The following AP1G2 variants were observed in gnomAD, a reference collection of about 807,000 sequenced individuals.
AP1G2 encodes the protein adaptor related protein complex 1 subunit gamma 2, also known as AP-1 complex subunit gamma-like 2.
A neutral mutation model predicts 95.8 loss-of-function variants in AP1G2; 85 were observed. The ratio of observed to expected loss-of-function variants is 0.89; its 90% CI spans 0.74 to 1.06. The LOEUF (loss-of-function observed/expected upper bound fraction) is 1.06. Ranked by LOEUF, AP1G2 falls within the 50% of genes least tolerant of loss-of-function variation. The pLI is 0.00. For synonymous variants in AP1G2, 378 were observed against 400.0 expected (o/e 0.94, Z 0.66); for missense variants, 967 against 1,005.8 (o/e 0.96, Z 0.52).
chr14:23,567,719 C>T lies in AP1G2; in HGVS notation c.-6+20G>A. The T allele has an allele frequency of 1.1e-6, 1 of 886,366 alleles. No individual in the cohort carries two copies. The highest frequency in any genetic ancestry group is 1.6e-4 in the East Asian group (1 of 6,258). 54.9% of individuals were successfully genotyped at this position (886,366 alleles called of 1,614,324 possible). A position where few individuals can be genotyped will look rare whatever the true frequency, so the allele number is the denominator to read the frequency against. ...GGCAGCGGCAGCGACAGCCTGCCTA[C>T]CCCAGGACTCCAGCCTCACCTGGCT... On this transcript the variant is annotated intron_variant, in intron 1 of 21. Transcript: ENST00000397120. This position sits in a 1 kb window ranked among gnomAD's most constrained non-coding sequence, Gnocchi z 5.3.
rs142055701 is a variant in AP1G2 at position 23,566,290 on chromosome 14, G to A, written c.459C>T (p.Tyr153=). The change falls in exon 4 of 22, where the codon TAC becomes TAT. Residue 153 remains tyrosine, a synonymous_variant. Coordinates refer to ENST00000397120, the MANE Select transcript of AP1G2 (RefSeq NM_003917.5). ...CCCGCCATCTCACCTTCTTGCGCAC[G>A]TAGGGACTGGGCTGCAGGAGCAGTT... The part of the protein sequence containing the change: ...VEKLLLQPSP[Y]VRKKAILTAV... The A allele has an allele frequency of 9.2e-5, 149 of 1,613,914 alleles. No individual in the cohort carries two copies. Among genetic ancestry groups the A allele is most frequent in the African/African-American group, 3.1e-4 (23 of 75,038 alleles).
At position 23,567,209 on chromosome 14, in the gene AP1G2, G is replaced by A; in HGVS notation, c.106C>T (p.Arg36Trp). 1 of 1,612,760 alleles carries A rather than the reference G, an allele frequency of 6.2e-7. No homozygotes were observed. The highest frequency in any genetic ancestry group is 8.5e-7 in the Non-Finnish European group (1 of 1,179,280). The stretch of plus-strand genomic sequence containing the variant: ...GGGTCCCCGTCGCGGAAGGAGGCCC[G>A]GATGTGGGCACACTCCTTTTGGATC... Reference protein sequence around the residue: ...EVIQKECAHIRASFRDGDPVH... With the variant: ...EVIQKECAHIWASFRDGDPVH... The change falls in exon 2 of 22, where the codon CGG (arginine) becomes TGG (tryptophan). Residue 36 changes from arginine (R) to tryptophan (W), a missense_variant. Coordinates refer to ENST00000397120, the MANE Select transcript of AP1G2 (RefSeq NM_003917.5). This position sits in a 1 kb window ranked among gnomAD's most constrained non-coding sequence, Gnocchi z 5.3.
In AP1G2 at chr14:23,563,369, G is replaced by A. The variant is rs996172603; in HGVS notation, c.1410+11C>T. 7.0e-6 allele frequency: 11 copies of A among 1,579,336 alleles called. No individual in the cohort carries two copies. The highest frequency in any genetic ancestry group is 3.6e-5 in the Admixed American group (2 of 55,246). ...TGGGCAGCCCTGGGCCTAGGTAGGT[G>A]GGAATGGTACCTGGGAAATGTCTTC... On this transcript the variant is annotated intron_variant, in intron 14 of 21. Coordinates refer to ENST00000397120, the MANE Select transcript of AP1G2 (RefSeq NM_003917.5).
At chr14:23,561,721 G>A in intron 17 of AP1G2, 86 bp from the exon 18 acceptor site, 1 of 1,555,244 alleles carries the variant, frequency 6.4e-7, no homozygotes, top group Middle Eastern at 2.1e-4. Flanking sequence ...GGAATATGGA[G>A]CCCTGGGCAC....
rs1886546603 is a variant in AP1G2, at chr14:23,564,151, G to A, written c.986C>T (p.Ala329Val). 5.6e-6 allele frequency: 9 copies of A among 1,613,920 alleles called. No individual in the cohort carries two copies. Among genetic ancestry groups the A allele is most frequent in the Non-Finnish European group, 7.6e-6 (9 of 1,179,964 alleles). The change falls in exon 11 of 22, where the codon GCC (alanine) becomes GTC (valine). Residue 329 changes from alanine to valine, a missense_variant. By Grantham distance (64) the Ala-to-Val change is moderately conservative (BLOSUM62 0). Transcript: ENST00000397120. ...LNSDRNIRYV[A>V]LTSLLRLVQS... ...CACCAGTCGAAGCAGTGATGTCAGG[G>A]CTACATACCTGGTCAGGATGGGGGA...
Position 23,565,837 on chromosome 14 carries a change from T to C in AP1G2, c.624A>G (p.Ala208=). Residue 208 remains alanine (A), a synonymous_variant, in exon 6 of 22, where the codon GCA becomes GCG. Transcript: ENST00000397120. Reference sequence around the variant, plus strand: ...CCACCTTTCGGAAGTGCCTGAGGGCTGCAGGGCTTCGTTCGCAGAGCTCCG... The same window carrying C: ...CCACCTTTCGGAAGTGCCTGAGGGCCGCAGGGCTTCGTTCGCAGAGCTCCG... The part of the protein sequence containing the change: ...LITELCERSP[A]ALRHFRKVVP... 6.3e-7 allele frequency: 1 copy of C among 1,577,840 alleles called. No individual in the cohort carries two copies. Among genetic ancestry groups the C allele is most frequent in the Non-Finnish European group, 8.6e-7 (1 of 1,161,460 alleles).
chr14:23,566,259 AG>A lies in AP1G2; in HGVS notation c.471+18del. ...CAGGCAGTGTGCAGGAGCACGTGCCAGGAGTCCCGCCATCTCACCTTCTTGC... is the reference window on the plus strand; with the variant it reads ...CAGGCAGTGTGCAGGAGCACGTGCCAGAGTCCCGCCATCTCACCTTCTTGC... On this transcript the variant is annotated intron_variant, in intron 4 of 21. Coordinates refer to ENST00000397120, the MANE Select transcript of AP1G2 (RefSeq NM_003917.5). The A allele has an allele frequency of 6.2e-7, 1 of 1,613,202 alleles. No homozygotes were observed. The highest frequency in any genetic ancestry group is 8.5e-7 in the Non-Finnish European group (1 of 1,179,610).
In AP1G2 at chr14:23,563,767, G is replaced by A. The variant is rs774636208; in HGVS notation, c.1181C>T (p.Pro394Leu). The A allele has an allele frequency of 1.9e-6, 3 of 1,614,060 alleles. No homozygotes were observed. Among genetic ancestry groups the A allele is most frequent in the Admixed American group, 1.7e-5 (1 of 60,004 alleles). The change falls in exon 12 of 22, where the codon CCT (proline) becomes CTT (leucine). Residue 394 changes from proline to leucine, a missense_variant. Pro to Leu is a moderately conservative substitution (Grantham distance 98, BLOSUM62 -3). Coordinates refer to ENST00000397120, the MANE Select transcript of AP1G2 (RefSeq NM_003917.5). ...QELQAFLESC[P>L]PDLRADCASG... Reference sequence around the variant, plus strand: ...GGCACAGTCAGCCCGTAGGTCAGGAGGGCAGGACTCCAGAAAGGCCTGCAG... The same window carrying A: ...GGCACAGTCAGCCCGTAGGTCAGGAAGGCAGGACTCCAGAAAGGCCTGCAG...
At chr14:23,562,723 C>G (rs1285722423) in intron 14 of AP1G2, 130 bp from the exon 15 acceptor site, 7 of 775,254 alleles carry the variant, frequency 9.0e-6, no homozygotes, top group Non-Finnish European at 1.4e-5. Flanking sequence ...GGCAACAAAG[C>G]GAGACCCCCC....
Position 23,565,357 on chromosome 14 carries a change from G to C in AP1G2, c.742-158C>G, listed in dbSNP as rs1595353902. ...GTCCCTTGGTCCTAGGAGGGGAACA[G>C]AGGTGTGTGAGGCCAGGGGAGTTTA... On this transcript the variant is annotated intron_variant, in intron 7 of 21. Coordinates refer to ENST00000397120, the MANE Select transcript of AP1G2 (RefSeq NM_003917.5). 4 of 775,906 alleles carry C rather than the reference G, an allele frequency of 5.2e-6. No homozygotes were observed. In the East Asian group the frequency reaches 1.1e-4, roughly 21 times the overall value. 48.1% of individuals were successfully genotyped at this position (775,906 alleles called of 1,614,324 possible).
rs761558937 is a variant in AP1G2, at chr14:23,564,558, AT to A, written c.921+3del. The A allele has an allele frequency of 1.9e-6, 3 of 1,613,014 alleles. No homozygotes were observed. The highest frequency in any genetic ancestry group is 1.1e-5 in the South Asian group (1 of 91,036). ...CGTAGTGGGAGAGGCATAAGGGGTG[AT>A]ACCCGTAGGCCAGCTGCAGAGCGGA... On this transcript the variant is annotated splice_donor_region_variant and intron_variant, in intron 9 of 21. Transcript: ENST00000397120.
chr14:23,567,489 A>C lies in AP1G2; in HGVS notation c.-5-170T>G. On this transcript the variant is annotated intron_variant, in intron 1 of 21. Coordinates refer to ENST00000397120, the MANE Select transcript of AP1G2 (RefSeq NM_003917.5). This position sits in a 1 kb window ranked among gnomAD's most constrained non-coding sequence, Gnocchi z 5.3. ...GGTCTCCAAATTCCGCGCCCACCCC[A>C]CCGCCCGAGAAGCCCACTACGCATG... The C allele has an allele frequency of 7.2e-7, 1 of 1,383,340 alleles. No homozygotes were observed. Among genetic ancestry groups the C allele is most frequent in the Non-Finnish European group, 9.3e-7 (1 of 1,076,698 alleles). The allele number at this position is 1,383,340 out of a possible 1,614,324, so 85.7% of individuals were successfully genotyped here. A position where few individuals can be genotyped will look rare whatever the true frequency, so the allele number is the denominator to read the frequency against.
chr14:23,561,391 G>T lies in AP1G2; in HGVS notation c.1898C>A (p.Ala633Asp). 1.2e-6 allele frequency: 2 copies of T among 1,604,722 alleles called. No individual in the cohort carries two copies. Among genetic ancestry groups the T allele is most frequent in the Non-Finnish European group, 1.7e-6 (2 of 1,174,292 alleles). Residue 633 changes from alanine (A) to aspartate (D), a missense_variant, in exon 19 of 22, where the codon GCT (alanine) becomes GAT (aspartate). Coordinates refer to ENST00000397120, the MANE Select transcript of AP1G2 (RefSeq NM_003917.5). ...LLDLLDLLDG[A>D]SGDVQHPPHL... is the part of the protein sequence containing the mutation. ...GGGAGGATGCTGGACATCCCCAGAA[G>T]CCCCATCCAGGAGATCTAGCAGATC... is the stretch of plus-strand genomic sequence containing the variant.
chr14:23,565,409 A>T, intron 7 of AP1G2, 197 bp downstream of exon 7: 2 of 719,246 alleles, frequency 2.8e-6, no homozygotes, highest in Non-Finnish European at 4.6e-6. Context: ...AAAATTGTTA[A>T]CAAACTGTAT....
At chr14:23,560,542 T>C in intron 19 of AP1G2, 124 bp from the exon 20 acceptor site, 1 of 998,430 alleles carries the variant, frequency 1.0e-6, no homozygotes, top group Non-Finnish European at 1.4e-6. Context: ...AGTAACAAAG[T>C]AGACATGTAG....
chr14:23,561,250 T>C, intron 19 of AP1G2, 46 bp downstream of exon 19: 1 of 1,512,400 alleles, frequency 6.6e-7, no homozygotes, highest in Non-Finnish European at 8.8e-7. Context: ...GAGCAGTACA[T>C]TTCCACCTAC....
rs1886229755 is a variant in AP1G2, at chr14:23,563,597, T to C, written c.1274A>G (p.His425Arg). Residue 425 changes from histidine (H) to arginine (R), a missense_variant, in exon 13 of 22, where the codon CAT (histidine) becomes CGT (arginine). By Grantham distance (29) the His-to-Arg change is conservative. Coordinates refer to ENST00000397120, the MANE Select transcript of AP1G2 (RefSeq NM_003917.5). Reference protein sequence around the residue: ...TKRWHIDTILHVLTTAGTHVR... With the variant: ...TKRWHIDTILRVLTTAGTHVR... Reference sequence around the variant, plus strand: ...CCCCTGCCTCACCGTTGTCAGCACATGCAGGATGGTGTCTATGTGCCAGCG... The same window carrying C: ...CCCCTGCCTCACCGTTGTCAGCACACGCAGGATGGTGTCTATGTGCCAGCG... 1 of 1,614,214 alleles carries C rather than the reference T, an allele frequency of 6.2e-7. No homozygotes were observed. Among genetic ancestry groups the C allele is most frequent in the Non-Finnish European group, 8.5e-7 (1 of 1,180,020 alleles).
At chr14:23,561,848 C>A in intron 17 of AP1G2, 114 bp downstream of exon 17, 1 of 1,478,704 alleles carries the variant, frequency 6.8e-7, no homozygotes, top group Non-Finnish European at 9.0e-7. Context: ...GTGGGAAGCT[C>A]TCACCGTGGA....
At chr14:23,565,279 G>A (rs1887275898) in intron 7 of AP1G2, 80 bp from the exon 8 acceptor site, 3 of 1,434,386 alleles carry the variant, frequency 2.1e-6, no homozygotes, top group Non-Finnish European at 1.9e-6. Context: ...ACTCCAACAT[G>A]TGAGGGTCTG....
Sources: allele counts gnomAD v4.1 joint callset, GRCh38; gene constraint gnomAD v4.1.1; non-coding constraint Gnocchi (gnomAD v3.1); transcripts MANE v1.5; gene names NCBI Gene and HGNC (gene_info 2026-07-23, HGNC 2026-07-21).